SLC25A46: variants seen among roughly 807,000 people sequenced by gnomAD.
SLC25A46 encodes the protein solute carrier family 25 member 46.
SLC25A46 carries 39 observed loss-of-function variants against 44.6 expected under a neutral mutation model. The ratio of observed to expected loss-of-function variants is 0.87; its 90% CI spans 0.68 to 1.14. The LOEUF (loss-of-function observed/expected upper bound fraction) is 1.14. SLC25A46 is among the 50% of genes most tolerant of loss of function. SLC25A46 has a pLI of 0.00. For missense variants in SLC25A46, 547 were observed against 522.7 expected (o/e 1.05, Z -0.45); for synonymous variants, 202 against 185.8 (o/e 1.09, Z -0.71).
intron 2 of SLC25A46, among the ~76,000 whole-genome samples, chr5:110,742,585 T>A (rs1437172605): frequency 1.3e-5 from 2 of 152,090 alleles, no homozygotes; most frequent in African/African-American, 4.8e-5. Flanking sequence ...ATATTAATAT[T>A]GTGTATTATA....
chr5:110,741,466 GT>G (rs1167612938), intron 1 of SLC25A46, among the ~76,000 whole-genome samples: 1 of 152,126 alleles, frequency 6.6e-6, no homozygotes, highest in Admixed American at 6.5e-5. Flanking sequence ...TAATTTAGAG[GT>G]GCTTTACTTG....
intron 3 of SLC25A46, among the ~76,000 whole-genome samples, chr5:110,745,124 A>C (rs1409296813): frequency 6.6e-6 from 1 of 152,210 alleles, no homozygotes; most frequent in African/African-American, 2.4e-5. Context: ...AAATGTCAAG[A>C]CAGTGAAAAA....
intron 5 of SLC25A46, among the ~76,000 whole-genome samples, chr5:110,750,392 T>A (rs555462032): frequency 6.6e-6 from 1 of 151,936 alleles, no homozygotes; most frequent in Non-Finnish European, 1.5e-5. Flanking sequence ...TGTAAAAAAA[T>A]AACAAAATGC....
Position 110,761,861 on chromosome 5 carries a change from A to C in SLC25A46, c.*79A>C, listed in dbSNP as rs910327020. 3 of 1,142,520 alleles carry C rather than the reference A, an allele frequency of 2.6e-6. No individual in the cohort carries two copies. The highest frequency in any genetic ancestry group is 3.6e-6 in the Non-Finnish European group (3 of 824,246). The allele number at this position is 1,142,520 out of a possible 1,614,324, so 70.8% of individuals were successfully genotyped here. A position where few individuals can be genotyped will look rare whatever the true frequency, so the allele number is the denominator to read the frequency against. On this transcript the variant is annotated 3_prime_UTR_variant, in exon 8 of 8. Transcript: ENST00000355943. The surrounding 1 kb of genome is among the most constrained non-coding windows in gnomAD (Gnocchi z 5.3). The stretch of plus-strand genomic sequence containing the variant: ...ATGAAGTTATGAGGGATACAAGTGA[A>C]ATACTGGGGAAGAAAATGGATTGGA...
chr5:110,741,918 C>A, intron 1 of SLC25A46, 129 bp from the exon 2 acceptor site: 1 of 646,000 alleles, frequency 1.5e-6, no homozygotes, highest in South Asian at 2.0e-5. Context: ...CAGAATTTGA[C>A]TTTGAGGTTT....
In SLC25A46 at chr5:110,763,318, G is replaced by C. The variant is rs1800307236; in HGVS notation, c.*1536G>C. 6.6e-6 allele frequency: 1 copy of C among 151,742 alleles called. No individual in the cohort carries two copies. The highest frequency in any genetic ancestry group is 2.4e-5 in the African/African-American group (1 of 41,374). The allele number at this position is 151,742 out of a possible 1,614,324, so 9.4% of individuals were successfully genotyped here. Reference sequence around the variant, plus strand: ...AAATGGTTACTTTTTGCAAATAGTAGTGTTGGAACAAAAAAGTGATATCCA... The same window carrying C: ...AAATGGTTACTTTTTGCAAATAGTACTGTTGGAACAAAAAAGTGATATCCA... On this transcript the variant is annotated 3_prime_UTR_variant, in exon 8 of 8. Transcript: ENST00000355943.
At chr5:110,743,491 T>C (rs112103847) in intron 2 of SLC25A46, among the ~76,000 whole-genome samples, 17 of 152,224 alleles carry the variant, frequency 1.1e-4, no homozygotes, top group African/African-American at 4.1e-4. Flanking sequence ...TATGTATTGT[T>C]TCCCTTATTT....
At position 110,739,359 on chromosome 5, in the gene SLC25A46, CT is replaced by C; in HGVS notation, c.244del (p.Ser82ProfsTer16). On this transcript the variant is annotated frameshift_variant, in exon 1 of 8. Coordinates refer to ENST00000355943, the MANE Select transcript of SLC25A46 (RefSeq NM_138773.4). LOFTEE classifies it high-confidence loss of function. ...CGTACGAAGGCCCCACGGAGGAACC[CT>C]TTTCCAGTGGCGGCGGCGGCAGTGT... ...TPYEGPTEEP[F>X]SSGGGGSVQG... 1.3e-6 allele frequency: 2 copies of C among 1,560,962 alleles called. No homozygotes were observed. The highest frequency in any genetic ancestry group is 8.7e-7 in the Non-Finnish European group (1 of 1,154,886).
rs1800270210 is a variant in SLC25A46, at chr5:110,762,124, A to G, written c.*342A>G. ...GTTGAATCTATTCCATCTGACTTCA[A>G]TATTTGCCAAACGTTTATTTTACCT... On this transcript the variant is annotated 3_prime_UTR_variant, in exon 8 of 8. Coordinates refer to ENST00000355943, the MANE Select transcript of SLC25A46 (RefSeq NM_138773.4). 4.7e-6 allele frequency: 1 copy of G among 212,680 alleles called. No individual in the cohort carries two copies. Among genetic ancestry groups the G allele is most frequent in the Non-Finnish European group, 9.5e-6 (1 of 105,792 alleles). The allele number at this position is 212,680 out of a possible 1,614,324, so 13.2% of individuals were successfully genotyped here.
chr5:110,738,439 C>G (rs2150401210), upstream of SLC25A46, among the ~76,000 whole-genome samples: 1 of 152,252 alleles, frequency 6.6e-6, no homozygotes, highest in Non-Finnish European at 1.5e-5. Context: ...GGACAGTATT[C>G]GAGTACGTGG....
At chr5:110,746,458 G>C (rs983920691) in intron 4 of SLC25A46, 112 bp downstream of exon 4, 19 of 667,008 alleles carry the variant, frequency 2.8e-5, no homozygotes, top group Non-Finnish European at 4.6e-5. Context: ...CATCTTAACT[G>C]TTGTAGTAAA....
At chr5:110,757,814 A>G (rs1277261922) in intron 7 of SLC25A46, among the ~76,000 whole-genome samples, 1 of 152,138 alleles carries the variant, frequency 6.6e-6, no homozygotes, top group Admixed American at 6.6e-5. Flanking sequence ...TTAAGGAAAA[A>G]CAACTAAGCA....
chr5:110,746,186 A>G (rs1298587266), intron 3 of SLC25A46, 83 bp from the exon 4 acceptor site: 12 of 1,084,718 alleles, frequency 1.1e-5, no homozygotes, highest in Admixed American at 2.5e-5. Flanking sequence ...TTTATACTGC[A>G]ATTCCACCAT....
rs1470129405 is a variant in SLC25A46 at position 110,739,295 on chromosome 5, A to T, written c.176A>T (p.Glu59Val). 1 of 1,573,718 alleles carries T rather than the reference A, an allele frequency of 6.4e-7. No individual in the cohort carries two copies. The highest frequency in any genetic ancestry group is 8.6e-7 in the Non-Finnish European group (1 of 1,159,776). Reference protein sequence around the residue: ...IPGSRNLHWGEKSPPYGVPTT... With the variant: ...IPGSRNLHWGVKSPPYGVPTT... ...GGCAGCCGCAACCTGCACTGGGGCG[A>T]GAAGAGCCCGCCCTACGGCGTGCCC... The change falls in exon 1 of 8, where the codon GAG becomes GTG. Residue 59 changes from glutamate (E) to valine (V), a missense_variant. By Grantham distance (121) the Glu-to-Val change is moderately radical (BLOSUM62 -2). Coordinates refer to ENST00000355943, the MANE Select transcript of SLC25A46 (RefSeq NM_138773.4).
intron 5 of SLC25A46, among the ~76,000 whole-genome samples, chr5:110,749,006 A>AT (rs1253300880): frequency 6.6e-6 from 1 of 152,182 alleles, no homozygotes; most frequent in African/African-American, 2.4e-5. Flanking sequence ...ATGGAGATCT[A>AT]TTGTAATAAT....
intron 5 of SLC25A46, chr5:110,753,994 A>G (rs1800038469): frequency 6.6e-6 from 1 of 151,488 alleles, no homozygotes; most frequent in Non-Finnish European, 1.5e-5. Flanking sequence ...TCTATTTTTT[A>G]TATTTTTCGA....
intron 3 of SLC25A46, 89 bp downstream of exon 3, chr5:110,743,876 A>T: frequency 2.0e-6 from 2 of 979,682 alleles, no homozygotes; most frequent in South Asian, 3.7e-5. Flanking sequence ...AAACCAGGTA[A>T]TTGTTACTTC....
At position 110,753,885 on chromosome 5, in the gene SLC25A46, G is replaced by A. The variant is rs183444455; in HGVS notation, c.564-1580G>A. 4.1e-4 allele frequency: 63 copies of A among 152,250 alleles called. 1 individual carries two copies. Among genetic ancestry groups the A allele is most frequent in the Admixed American group, 4.0e-3 (61 of 15,278 alleles). 9.4% of individuals were successfully genotyped at this position (152,250 alleles called of 1,614,324 possible). A position where few individuals can be genotyped will look rare whatever the true frequency, so the allele number is the denominator to read the frequency against. ...GTCATAAACTGTGGTAATACTTTGT[G>A]AGGCCATGAGTATTAGCTGTGCCAA... On this transcript the variant is annotated intron_variant, in intron 5 of 7. Coordinates refer to ENST00000355943, the MANE Select transcript of SLC25A46 (RefSeq NM_138773.4).
At chr5:110,753,356 A>C (rs1189025572) in intron 5 of SLC25A46, 1 of 149,964 alleles carries the variant, frequency 6.7e-6, no homozygotes, top group Non-Finnish European at 1.5e-5. Context: ...AAAATTAAAG[A>C]CTGCTGAGAC....
Sources: gnomAD v4.1 joint callset for allele counts (sites outside exome capture counted in the v4.1 genomes callset) on GRCh38, gnomAD v4.1.1 for gene constraint, Gnocchi (gnomAD v3.1) non-coding constraint, MANE v1.5 for transcripts, NCBI Gene and HGNC (gene_info 2026-07-23, HGNC 2026-07-21) for gene names.